The following SORCS3 variants were observed in gnomAD, a reference collection of about 807,000 sequenced individuals.
SORCS3 encodes the protein VPS10 domain-containing receptor SorCS3.
SORCS3 carries 57 observed loss-of-function variants against 146.3 expected under a neutral mutation model. The observed-to-expected ratio is 0.39, with a 90% CI of 0.31 to 0.49. The LOEUF (loss-of-function observed/expected upper bound fraction) is 0.49, where lower values mean the gene tolerates loss of function less well. Ranked by LOEUF, SORCS3 falls within the 20% of genes least tolerant of loss-of-function variation. SORCS3 has a pLI of 0.92. For missense variants in SORCS3, 1,341 were observed against 1,575.5 expected, an observed-to-expected ratio of 0.85 and a Z score of 2.52; for synonymous variants, 653 against 618.5, an observed-to-expected ratio of 1.06 and a Z score of -0.83.
At chr10:104,908,143 A>G (rs2018927871) in intron 2 of SORCS3, among the ~76,000 whole-genome samples, 1 of 152,180 alleles carries the variant, frequency 6.6e-6, no homozygotes, top group Non-Finnish European at 1.5e-5. Flanking sequence ...GACAATCCTC[A>G]GTGTATCTCA....
At chr10:104,983,959 G>T (rs898422194) in intron 4 of SORCS3, among the ~76,000 whole-genome samples, 3 of 152,022 alleles carry the variant, frequency 2.0e-5, no homozygotes, top group African/African-American at 7.2e-5. Flanking sequence ...TGAGTCTGAT[G>T]AATTTTCATT....
At chr10:105,089,182 G>C (rs1479122585) in intron 5 of SORCS3, among the ~76,000 whole-genome samples, 2 of 152,162 alleles carry the variant, frequency 1.3e-5, no homozygotes, top group African/African-American at 4.8e-5. Flanking sequence ...TTCTCACCAG[G>C]AGAATTTTGT....
intron 5 of SORCS3, among the ~76,000 whole-genome samples, chr10:105,053,156 C>G (rs2055424273): frequency 1.3e-5 from 2 of 152,038 alleles, no homozygotes; most frequent in African/African-American, 4.8e-5. Context: ...ATTATGAGAG[C>G]CCCACCCTCA....
intron 14 of SORCS3, among the ~76,000 whole-genome samples, chr10:105,179,737 G>A (rs990634017): frequency 6.6e-6 from 1 of 152,172 alleles, no homozygotes; most frequent in Non-Finnish European, 1.5e-5. Context: ...TTTGAAAATG[G>A]TATTGAAACC....
At position 104,641,561 on chromosome 10, in the gene SORCS3, C is replaced by A. The variant is rs1322478501; in HGVS notation, c.234C>A (p.Ala78=). 2.7e-6 allele frequency: 4 copies of A among 1,469,218 alleles called. No individual in the cohort carries two copies. Among genetic ancestry groups the A allele is most frequent in the Admixed American group, 5.0e-5 (2 of 40,146 alleles). The allele number at this position is 1,469,218 out of a possible 1,614,324, so 91.0% of individuals were successfully genotyped here. ...AGGAGCTGGCGTCGGCGCGGAGAGC[C>A]GCCGTGCTGGGGCGCCGGGCCGGAC... is the stretch of plus-strand genomic sequence containing the variant. The part of the protein sequence containing the change: ...WPEELASARR[A]AVLGRRAGPE... Residue 78 remains alanine, a synonymous_variant, in exon 1 of 27, where the codon GCC becomes GCA. Coordinates refer to ENST00000369701, the MANE Select transcript of SORCS3 (RefSeq NM_014978.3). This position sits in a 1 kb window ranked among gnomAD's most constrained non-coding sequence, Gnocchi z 6.4.
In SORCS3 at chr10:104,794,834, G is replaced by A. The variant is rs568720547; in HGVS notation, c.628-47958G>A. Among the ~76,000 whole-genome samples the A allele has an allele frequency of 1.5e-3, 230 of 152,158 alleles. 3 individuals are homozygous for A. Among genetic ancestry groups the A allele is most frequent in the African/African-American group, 5.3e-3 (221 of 41,500 alleles). On this transcript the variant is annotated intron_variant, in intron 1 of 26. Transcript: ENST00000369701. ...CCTTGGCGTAAACACCCTTTCCCTC[G>A]GGATAGTGTAGCCCAACACTCACTT... is the stretch of plus-strand genomic sequence containing the variant.
intron 1 of SORCS3, among the ~76,000 whole-genome samples, chr10:104,701,403 A>G (rs1361838423): frequency 6.6e-6 from 1 of 152,224 alleles, no homozygotes; most frequent in Non-Finnish European, 1.5e-5. Flanking sequence ...ATTACAAATC[A>G]GTTTTCTTAA....
chr10:104,692,634 C>G (rs1235358269), intron 1 of SORCS3, among the ~76,000 whole-genome samples: 1 of 152,164 alleles, frequency 6.6e-6, no homozygotes, highest in Non-Finnish European at 1.5e-5. Context: ...CCAAGGATCA[C>G]CAAACTTCAG....
At chr10:105,215,435 C>T (rs1006745139) in intron 18 of SORCS3, among the ~76,000 whole-genome samples, 2 of 152,130 alleles carry the variant, frequency 1.3e-5, no homozygotes, top group Non-Finnish European at 2.9e-5. Flanking sequence ...AGTATGAGCA[C>T]TTCAGAAACC....
chr10:105,119,426 C>A (rs1165380083), intron 7 of SORCS3, among the ~76,000 whole-genome samples: 2 of 152,186 alleles, frequency 1.3e-5, no homozygotes, highest in East Asian at 3.9e-4. Context: ...AGAGTCCCTA[C>A]TGGGGCACTG....
At position 104,800,508 on chromosome 10, in the gene SORCS3, T is replaced by C. The variant is rs371524344; in HGVS notation, c.628-42284T>C. Among the ~76,000 whole-genome samples, 532 of 152,304 alleles carry C rather than the reference T, an allele frequency of 3.5e-3. 2 individuals are homozygous for C. The highest frequency in any genetic ancestry group is 0.012 in the African/African-American group (505 of 41,568). On this transcript the variant is annotated intron_variant, in intron 1 of 26. Transcript: ENST00000369701. ...GTAGTGATGTGTCAGTGTAGGTTCA[T>C]TGATTGTCACAAATGTGCCACCCTG...
chr10:104,879,934 C>T (rs2018614753), intron 2 of SORCS3, among the ~76,000 whole-genome samples: 1 of 152,136 alleles, frequency 6.6e-6, no homozygotes, highest in Admixed American at 6.5e-5. Context: ...TAATCCCCCA[C>T]CTCTTTCTCA....
chr10:104,724,883 T>C (rs952495904), intron 1 of SORCS3, among the ~76,000 whole-genome samples: 1 of 152,224 alleles, frequency 6.6e-6, no homozygotes, highest in African/African-American at 2.4e-5. Context: ...TCGTCTAATT[T>C]TTTTTCAAGG....
chr10:104,983,296 G>T lies in SORCS3; in HGVS notation c.954+5803G>T, dbSNP rs12254214. Among the ~76,000 whole-genome samples, 714 of 151,242 alleles carry T rather than the reference G, an allele frequency of 4.7e-3. 5 individuals are homozygous for T. Among genetic ancestry groups the T allele is most frequent in the African/African-American group, 0.017 (688 of 41,214 alleles). On this transcript the variant is annotated intron_variant, in intron 4 of 26. Transcript: ENST00000369701. ...AATTTACAGGTGTGAACCATGCACC[G>T]CACCCAGCCCCAAGCATGCTTTTTC...
chr10:104,721,037 A>G (rs976548292), intron 1 of SORCS3, among the ~76,000 whole-genome samples: 4 of 152,196 alleles, frequency 2.6e-5, no homozygotes, highest in Admixed American at 1.3e-4. Context: ...TGTTATAGAC[A>G]TGAAGTCCTT....
At chr10:105,233,533 TCTC>T (rs2056776640) in intron 20 of SORCS3, among the ~76,000 whole-genome samples, 1 of 152,108 alleles carries the variant, frequency 6.6e-6, no homozygotes. Flanking sequence ...ATTAGGTACT[TCTC>T]CTAATGCTAT....
At chr10:104,757,066 GTTT>G (rs35550035) in intron 1 of SORCS3, among the ~76,000 whole-genome samples, 214 of 83,968 alleles carry the variant, frequency 2.5e-3, no homozygotes, top group East Asian at 8.4e-3. Flanking sequence ...CAAGTTAAGG[GTTT>G]TTTTTTTTTT....
chr10:104,711,567 A>G (rs900176909), intron 1 of SORCS3, among the ~76,000 whole-genome samples: 4 of 152,224 alleles, frequency 2.6e-5, no homozygotes, highest in Non-Finnish European at 4.4e-5. Flanking sequence ...CTTCCTAGCA[A>G]TCCAGCTCAG....
intron 1 of SORCS3, among the ~76,000 whole-genome samples, chr10:104,838,552 C>T (rs2018100159): frequency 6.6e-6 from 1 of 152,190 alleles, no homozygotes; most frequent in Admixed American, 6.5e-5. Flanking sequence ...AAAGGAGTTT[C>T]CATCCTATAA....
Sources: allele counts gnomAD v4.1 joint callset (sites outside exome capture counted in the v4.1 genomes callset), GRCh38; gene constraint gnomAD v4.1.1; non-coding constraint Gnocchi (gnomAD v3.1); transcripts MANE v1.5; gene names NCBI Gene and HGNC (gene_info 2026-07-23, HGNC 2026-07-21).